HMCN1: variants seen among roughly 807,000 people sequenced by gnomAD.
The protein encoded by HMCN1 is hemicentin-1.
HMCN1 carries 321 observed loss-of-function variants against 625.9 expected under a neutral mutation model. The ratio of observed to expected loss-of-function variants is 0.51; its 90% CI spans 0.47 to 0.56. The LOEUF (loss-of-function observed/expected upper bound fraction) is 0.56. HMCN1 is among the 20% of genes least tolerant of loss of function. The pLI, the probability that HMCN1 is intolerant of heterozygous loss-of-function variation, is 0.00. For missense variants in HMCN1, 6,588 were observed against 6,887.3 expected, an observed-to-expected ratio of 0.96 and a Z score of 1.54; for synonymous variants, 2,425 against 2,417.6, an observed-to-expected ratio of 1.00 and a Z score of -0.09.
intron 4 of HMCN1, among the ~76,000 whole-genome samples, chr1:185,897,117 G>A (rs1252560979): frequency 6.6e-6 from 1 of 152,064 alleles, no homozygotes; most frequent in Non-Finnish European, 1.5e-5. Flanking sequence ...GGTTTAAATT[G>A]CTACCTAGGG....
chr1:185,798,738 ATATC>A (rs144327153), intron 1 of HMCN1, among the ~76,000 whole-genome samples: 1 of 151,716 alleles, frequency 6.6e-6, no homozygotes, highest in Non-Finnish European at 1.5e-5. Context: ...GGTTTTAAAT[ATATC>A]TATCTATCTC....
intron 11 of HMCN1, among the ~76,000 whole-genome samples, chr1:185,955,283 G>A (rs1369314466): frequency 6.6e-6 from 1 of 151,806 alleles, no homozygotes; most frequent in Non-Finnish European, 1.5e-5. Context: ...AATTACCCCA[G>A]AATAAAATTT....
At chr1:186,056,675 AT>A (rs1281544598) in intron 45 of HMCN1, among the ~76,000 whole-genome samples, 2 of 152,016 alleles carry the variant, frequency 1.3e-5, no homozygotes, top group Admixed American at 1.3e-4. Context: ...GTTCTCACTT[AT>A]AAGTGGGAAC....
At position 185,965,785 on chromosome 1, in the gene HMCN1, G is replaced by A. The variant is rs371184146; in HGVS notation, c.2099-17G>A. 2.5e-5 allele frequency: 35 copies of A among 1,417,760 alleles called. No homozygotes were observed. The highest frequency in any genetic ancestry group is 5.7e-5 in the South Asian group (5 of 87,152). The allele number at this position is 1,417,760 out of a possible 1,614,324, so 87.8% of individuals were successfully genotyped here. ...CTTGTGCTAAATGTTGACTATTTGC[G>A]TTTTTGTTTTTTTCAGAAGCCCCTA... On this transcript the variant is annotated splice_polypyrimidine_tract_variant and intron_variant, in intron 13 of 106. Coordinates refer to ENST00000271588, the MANE Select transcript of HMCN1 (RefSeq NM_031935.3).
At chr1:185,770,299 G>T (rs1656152563) in intron 1 of HMCN1, among the ~76,000 whole-genome samples, 1 of 152,188 alleles carries the variant, frequency 6.6e-6, no homozygotes, top group South Asian at 2.1e-4. Context: ...ATATATTAAA[G>T]CTATTCTTAG....
intron 69 of HMCN1, among the ~76,000 whole-genome samples, chr1:186,106,465 A>G (rs1660614067): frequency 6.6e-6 from 1 of 152,190 alleles, no homozygotes. Flanking sequence ...TAATAACCAG[A>G]TATTTTGTTT....
intron 2 of HMCN1, among the ~76,000 whole-genome samples, chr1:185,858,241 ACAGG>A (rs1440728799): frequency 2.0e-5 from 3 of 152,168 alleles, no homozygotes; most frequent in Non-Finnish European, 2.9e-5. Context: ...TTGAATTAAC[ACAGG>A]TAAAGTGTCT....
chr1:186,154,114 C>T, intron 97 of HMCN1, 127 bp downstream of exon 97: 1 of 789,586 alleles, frequency 1.3e-6, no homozygotes. Flanking sequence ...TTGTCTATGC[C>T]TTTTTGTTAA....
chr1:185,773,456 T>A (rs1306275639), intron 1 of HMCN1, among the ~76,000 whole-genome samples: 1 of 152,188 alleles, frequency 6.6e-6, no homozygotes, highest in East Asian at 1.9e-4. Flanking sequence ...CACTTATTGT[T>A]ATTGATGATG....
rs539493648 is a variant in HMCN1 at position 185,879,910 on chromosome 1, A to G, written c.621+14047A>G. On this transcript the variant is annotated intron_variant, in intron 4 of 106. Transcript: ENST00000271588. ...ACAGTAAGACTTGCTATGGAGAGAA[A>G]GTGAGCCAGGTAACAAAATCTTCAA... Among the ~76,000 whole-genome samples the G allele has an allele frequency of 4.7e-4, 71 of 152,270 alleles. 1 individual carries two copies. Among genetic ancestry groups the G allele is most frequent in the Non-Finnish European group, 1.8e-4 (12 of 68,014 alleles).
At chr1:185,997,348 G>T (rs1652861670) in intron 24 of HMCN1, 81 bp from the exon 25 acceptor site, 1 of 830,018 alleles carries the variant, frequency 1.2e-6, no homozygotes, top group South Asian at 1.3e-5. Flanking sequence ...CAACTCATCA[G>T]TGCAGGTAGT....
Position 185,995,106 on chromosome 1 carries a change from A to G in HMCN1, c.3778+19A>G, listed in dbSNP as rs1353893836. On this transcript the variant is annotated intron_variant, in intron 24 of 106. Coordinates refer to ENST00000271588, the MANE Select transcript of HMCN1 (RefSeq NM_031935.3). ...GTCCAAGGTGATTCTTGACACAGGAAAATATATGTATGTAGGGTGGGGAGT... is the reference window on the plus strand; with the variant it reads ...GTCCAAGGTGATTCTTGACACAGGAGAATATATGTATGTAGGGTGGGGAGT... The G allele has an allele frequency of 6.2e-7, 1 of 1,610,792 alleles. No homozygotes were observed. The highest frequency in any genetic ancestry group is 8.5e-7 in the Non-Finnish European group (1 of 1,177,204).
intron 1 of HMCN1, among the ~76,000 whole-genome samples, chr1:185,800,348 T>C (rs1658711639): frequency 6.6e-6 from 1 of 152,138 alleles, no homozygotes; most frequent in Admixed American, 6.6e-5. Flanking sequence ...TACATTTTGG[T>C]TCCTCTCTGT....
chr1:186,123,477 C>G (rs1661496983), intron 81 of HMCN1, among the ~76,000 whole-genome samples: 1 of 152,008 alleles, frequency 6.6e-6, no homozygotes, highest in East Asian at 1.9e-4. Flanking sequence ...TTGCTAGTAC[C>G]CTCACATATT....
At chr1:185,974,831 A>C (rs186661035) in intron 15 of HMCN1, among the ~76,000 whole-genome samples, 1 of 152,244 alleles carries the variant, frequency 6.6e-6, no homozygotes, top group East Asian at 1.9e-4. Context: ...GCTGTTCTCA[A>C]AGCTGCTTTA....
intron 19 of HMCN1, among the ~76,000 whole-genome samples, chr1:185,985,698 T>G (rs972371381): frequency 6.6e-6 from 1 of 152,222 alleles, no homozygotes; most frequent in African/African-American, 2.4e-5. Flanking sequence ...TAACTAAATC[T>G]TGCAGACATT....
chr1:185,833,900 T>A (rs1380693542), intron 1 of HMCN1, among the ~76,000 whole-genome samples: 1 of 152,216 alleles, frequency 6.6e-6, no homozygotes, highest in Non-Finnish European at 1.5e-5. Context: ...TATTTATGTA[T>A]CTGTGCATTT....
At chr1:185,983,113 A>C (rs193229084) in intron 18 of HMCN1, among the ~76,000 whole-genome samples, 1 of 152,246 alleles carries the variant, frequency 6.6e-6, no homozygotes, top group East Asian at 1.9e-4. Context: ...CTTTAAACAT[A>C]TCTCTCATTA....
chr1:186,007,000 A>C, intron 29 of HMCN1, 128 bp from the exon 30 acceptor site: 1 of 740,356 alleles, frequency 1.4e-6, no homozygotes, highest in South Asian at 1.7e-5. Flanking sequence ...AGTGCTAATC[A>C]TATCATTTTA....
Sources: gnomAD v4.1 joint callset for allele counts (sites outside exome capture counted in the v4.1 genomes callset) on GRCh38, gnomAD v4.1.1 for gene constraint, MANE v1.5 for transcripts, NCBI Gene and HGNC (gene_info 2026-07-23, HGNC 2026-07-21) for gene names.